CDH23: variants seen among roughly 807,000 people sequenced by gnomAD.
CDH23 encodes cadherin related 23, also known as cadherin-23.
In CDH23, 189 loss-of-function variants were observed where a neutral mutation model predicts 317.1. That is an observed-to-expected ratio of 0.60 (90% CI 0.53 to 0.67). The LOEUF (loss-of-function observed/expected upper bound fraction) is 0.67. Among genes scored for constraint, CDH23 ranks in the 30% least tolerant of loss-of-function variants. The pLI, the probability that CDH23 is intolerant of heterozygous loss-of-function variation, is 0.00. For synonymous variants in CDH23, 1,839 were observed against 1,876.8 expected (o/e 0.98, Z 0.52); for missense variants, 4,401 against 4,592.4 (o/e 0.96, Z 1.20).
chr10:71,647,742 G>T (rs933207422), intron 14 of CDH23: 2 of 152,244 alleles, frequency 1.3e-5, no homozygotes, highest in African/African-American at 4.8e-5. Context: ...GTGGACCCAG[G>T]GGTTGGGGTC....
rs750705577 is a variant in CDH23 at position 71,725,463 on chromosome 10, C to T, written c.3522C>T (p.His1174=). 19 of 1,614,006 alleles carry T rather than the reference C, an allele frequency of 1.2e-5. No homozygotes were observed. The East Asian group carries it at 1.8e-4, about 15-fold the overall frequency. Residue 1174 remains histidine, a synonymous_variant, in exon 30 of 70, where the codon CAC becomes CAT. Coordinates refer to ENST00000224721, the MANE Select transcript of CDH23 (RefSeq NM_022124.6). Reference sequence around the variant, plus strand: ...TGGACCGGGAGCGGAACTCATCCCACGTGCTGATAGTGGAGGCCTACAACC... The same window carrying T: ...TGGACCGGGAGCGGAACTCATCCCATGTGCTGATAGTGGAGGCCTACAACC... The part of the protein sequence containing the change: ...RPLDRERNSS[H]VLIVEAYNHD...
chr10:71,759,060 A>G (rs7070424), intron 38 of CDH23, among the ~76,000 whole-genome samples: 22,664 of 148,278 alleles, frequency 0.15, 1,896 homozygotes, highest in South Asian at 0.25. Context: ...TTTTTTTGAG[A>G]TGGAGTCTTG....
chr10:71,457,199 G>C (rs955891610), intron 3 of CDH23, among the ~76,000 whole-genome samples: 4 of 152,238 alleles, frequency 2.6e-5, no homozygotes, highest in Non-Finnish European at 4.4e-5. Context: ...AGGCTGACCA[G>C]CTGTGAGGCA....
chr10:71,420,440 GTCATTATGATGGTGATGATAATGA>G (rs1848715150), intron 1 of CDH23, among the ~76,000 whole-genome samples: 6 of 26,692 alleles, frequency 2.2e-4, no homozygotes, highest in East Asian at 1.1e-3. Flanking sequence ...GATGATGATG[GTCATTATGATGGTGATGATAATGA>G]TGATGGTGAT....
chr10:71,676,211 C>A (rs1589321306), intron 15 of CDH23, among the ~76,000 whole-genome samples: 1 of 151,954 alleles, frequency 6.6e-6, no homozygotes, highest in East Asian at 2.0e-4. Flanking sequence ...CCGGCCCCCT[C>A]TCACTTTTAA....
rs377492133 is a variant in CDH23 at position 71,645,885 on chromosome 10, A to T, written c.1195A>T (p.Ile399Phe). 3.1e-6 allele frequency: 5 copies of T among 1,613,512 alleles called. No individual in the cohort carries two copies. In the African/African-American group the frequency reaches 5.3e-5, roughly 17 times the overall value. Residue 399 changes from isoleucine to phenylalanine, a missense_variant, in exon 13 of 70, where the codon ATC (isoleucine) becomes TTC (phenylalanine). Ile to Phe is a conservative substitution (Grantham distance 21, BLOSUM62 0). Around this residue, in one of 3 missense-constraint regions of CDH23, gnomAD observed 3,068 missense variants for 3,203.3 expected, o/e 0.96. Coordinates refer to ENST00000224721, the MANE Select transcript of CDH23 (RefSeq NM_022124.6). ...GGTGGGGAACAACTCCCACCACTTC[A>T]TCATCTCCCCGACCTCCGTCCAGGG... ...YLVGNNSHHF[I>F]ISPTSVQGKA...
intron 11 of CDH23, among the ~76,000 whole-genome samples, chr10:71,627,581 G>T (rs1309107726): frequency 1.3e-5 from 2 of 152,172 alleles, no homozygotes; most frequent in Non-Finnish European, 2.9e-5. Flanking sequence ...GGGGGTGTGA[G>T]GCAGGGCCTG....
intron 17 of CDH23, among the ~76,000 whole-genome samples, chr10:71,681,993 G>A (rs1056516562): frequency 2.6e-5 from 4 of 152,092 alleles, no homozygotes; most frequent in East Asian, 1.9e-4. Flanking sequence ...CCTGTCCTTC[G>A]AGCAGCTTCC....
chr10:71,789,005 C>T lies in CDH23; in HGVS notation c.5886C>T (p.Ser1962=). ...ACAACCACCCCCTCTTCACTAAAAG[C>T]ACCTACCAGGCAGAGGTGATGGAAA... ...ENDNHPLFTK[S]TYQAEVMENS... The change falls in exon 45 of 70, where the codon AGC becomes AGT. Residue 1962 remains serine, a synonymous_variant. Coordinates refer to ENST00000224721, the MANE Select transcript of CDH23 (RefSeq NM_022124.6). 2 of 1,600,548 alleles carry T rather than the reference C, an allele frequency of 1.2e-6. No homozygotes were observed. The highest frequency in any genetic ancestry group is 1.7e-6 in the Non-Finnish European group (2 of 1,167,660).
At chr10:71,688,902 A>G (rs374020932) in intron 19 of CDH23, among the ~76,000 whole-genome samples, 1,589 of 33,210 alleles carry the variant, frequency 0.048, 5 homozygotes, top group East Asian at 0.074. Context: ...GGAGCCAGGG[A>G]TGGTGGAGCC....
intron 19 of CDH23, among the ~76,000 whole-genome samples, chr10:71,688,512 G>C (rs545974883): frequency 0.02 from 3,058 of 149,990 alleles, 96 homozygotes; most frequent in African/African-American, 0.071. Context: ...GGAGCCAGGG[G>C]TGGTGGAGTC....
chr10:71,533,562 CACACACACT>C (rs753006727), intron 6 of CDH23, among the ~76,000 whole-genome samples: 9,398 of 137,176 alleles, frequency 0.069, 368 homozygotes, highest in African/African-American at 0.092. Flanking sequence ...CACACACACA[CACACACACT>C]GGCTGGGGCT....
intron 12 of CDH23, chr10:71,645,599 G>A: frequency 2.8e-6 from 2 of 723,690 alleles, no homozygotes; most frequent in South Asian, 1.4e-5. Context: ...GCATCCGACA[G>A]CACAAGGAAG....
chr10:71,436,514 A>G (rs1589304855), intron 1 of CDH23, among the ~76,000 whole-genome samples: 1 of 152,260 alleles, frequency 6.6e-6, no homozygotes, highest in African/African-American at 2.4e-5. Flanking sequence ...TGATGGAAAC[A>G]TCAGGAGACT....
chr10:71,589,325 G>A (rs1383694240), intron 9 of CDH23, among the ~76,000 whole-genome samples: 2 of 152,098 alleles, frequency 1.3e-5, no homozygotes, highest in Non-Finnish European at 2.9e-5. Flanking sequence ...TCACCATATT[G>A]GCCAGGCTGG....
intron 25 of CDH23, among the ~76,000 whole-genome samples, chr10:71,705,838 TC>T (rs1158371018): frequency 1.3e-5 from 2 of 151,814 alleles, no homozygotes; most frequent in East Asian, 3.9e-4. Context: ...GCCTGTTCAA[TC>T]CCATCCTAGC....
intron 6 of CDH23, among the ~76,000 whole-genome samples, chr10:71,558,963 A>G (rs566579708): frequency 6.6e-6 from 1 of 152,318 alleles, no homozygotes; most frequent in South Asian, 2.1e-4. Flanking sequence ...TCCAGAACCC[A>G]ACTAACTCAG....
chr10:71,728,443 C>A (rs760265330), intron 30 of CDH23, among the ~76,000 whole-genome samples: 82 of 152,198 alleles, frequency 5.4e-4, no homozygotes, highest in Non-Finnish European at 9.4e-4. Context: ...CCCCAGAGTC[C>A]TCCACTGGTC....
intron 9 of CDH23, among the ~76,000 whole-genome samples, chr10:71,584,542 CTGTGTG>C (rs138103081): frequency 0.063 from 9,184 of 145,728 alleles, 410 homozygotes; most frequent in East Asian, 0.22. Flanking sequence ...GAAGGGAAGT[CTGTGTG>C]TGTGTGTGTG....
Sources: allele counts gnomAD v4.1 joint callset (sites outside exome capture counted in the v4.1 genomes callset), GRCh38; gene constraint gnomAD v4.1.1; regional missense constraint gnomAD v4.1.1; transcripts MANE v1.5; gene names NCBI Gene and HGNC (gene_info 2026-07-23, HGNC 2026-07-21).